Variants in ATXN2 observed in about 807,000 individuals in gnomAD.
ATXN2 encodes ataxin 2, also known as ataxin-2.
ATXN2 carries 37 observed loss-of-function variants against 138.6 expected under a neutral mutation model. That is an observed-to-expected ratio of 0.27 (90% CI 0.21 to 0.35). ATXN2 has a LOEUF of 0.35. Among genes scored for constraint, ATXN2 ranks in the 10% least tolerant of loss-of-function variants. ATXN2 has a pLI of 1.00. For synonymous variants in ATXN2, 549 were observed against 543.7 expected (o/e 1.01, Z -0.13); for missense variants, 1,216 against 1,480.3 (o/e 0.82, Z 2.93).
At chr12:111,487,049 T>C (rs558972912) in intron 15 of ATXN2, among the ~76,000 whole-genome samples, 1 of 152,268 alleles carries the variant, frequency 6.6e-6, no homozygotes, top group East Asian at 1.9e-4. Flanking sequence ...CTGAGTAATA[T>C]ACAACCGTTC....
At chr12:111,469,847 C>T in intron 20 of ATXN2, 1 of 426,450 alleles carries the variant, frequency 2.3e-6, no homozygotes, top group Admixed American at 3.9e-5. Context: ...TACCTTTCTC[C>T]ACAAAGATGC....
intron 1 of ATXN2, among the ~76,000 whole-genome samples, chr12:111,567,940 A>C (rs1473318654): frequency 6.6e-6 from 1 of 152,136 alleles, no homozygotes; most frequent in Non-Finnish European, 1.5e-5. Flanking sequence ...TAATCTAAGA[A>C]TAAAATTACC....
Position 111,579,124 on chromosome 12 carries a change from ACACT to A in ATXN2, c.251+19656_251+19659del, listed in dbSNP as rs1479767968. ...AGCAATTACTTTTAAAATTAAATAA[ACACT>A]CACAGGATTATATGTACCCTGGAAA... On this transcript the variant is annotated intron_variant, in intron 1 of 24. Coordinates refer to ENST00000673436, the MANE Select transcript of ATXN2 (RefSeq NM_001372574.1). Among the ~76,000 whole-genome samples the A allele has an allele frequency of 2.6e-5, 4 of 152,322 alleles. No individual in the cohort carries two copies. The East Asian group carries it at 7.7e-4, about 29-fold the overall frequency.
At chr12:111,458,160 T>G (rs998960116) in intron 21 of ATXN2, 4 of 150,124 alleles carry the variant, frequency 2.7e-5, no homozygotes, top group African/African-American at 7.6e-5. Flanking sequence ...TTTTTTGTTT[T>G]TTTTTGAGAT....
At chr12:111,472,273 G>T (rs968163672) in intron 18 of ATXN2, among the ~76,000 whole-genome samples, 5 of 151,732 alleles carry the variant, frequency 3.3e-5, no homozygotes, top group African/African-American at 1.2e-4. Context: ...TCTCAAAAAA[G>T]GGGAGGGTAG....
chr12:111,568,380 C>T (rs1883132819), intron 1 of ATXN2, among the ~76,000 whole-genome samples: 1 of 152,078 alleles, frequency 6.6e-6, no homozygotes, highest in Non-Finnish European at 1.5e-5. Flanking sequence ...CACCATTCTG[C>T]TCATCCATCA....
upstream of ATXN2, chr12:111,599,552 AG>A (rs1472470035): frequency 1.7e-6 from 2 of 1,179,036 alleles, no homozygotes; most frequent in Admixed American, 9.2e-5. Context: ...GTGGGAGCGG[AG>A]GTGCGGATAG....
rs543891119 is a variant in ATXN2, at chr12:111,516,913, C to A, written c.1166-550G>T. Among the ~76,000 whole-genome samples, 1 of 152,094 alleles carries A rather than the reference C, an allele frequency of 6.6e-6. No individual in the cohort carries two copies. The highest frequency in any genetic ancestry group is 6.5e-5 in the Admixed American group (1 of 15,272). On this transcript the variant is annotated intron_variant, in intron 9 of 24. Transcript: ENST00000673436. The surrounding 1 kb of genome is among the most constrained non-coding windows in gnomAD (Gnocchi z 5.0). ...CAGTTTGGAATCTTATTAAGCAAGT[C>A]CCATTTAAGTAGAAATAAAACATTA...
At chr12:111,493,686 T>G (rs1290930389) in intron 14 of ATXN2, among the ~76,000 whole-genome samples, 1 of 151,848 alleles carries the variant, frequency 6.6e-6, no homozygotes, top group Non-Finnish European at 1.5e-5. Flanking sequence ...TGGACGGCAG[T>G]GGCGCGATCT....
At chr12:111,547,324 G>C (rs772631134) in intron 5 of ATXN2, among the ~76,000 whole-genome samples, 3 of 152,186 alleles carry the variant, frequency 2.0e-5, no homozygotes, top group Non-Finnish European at 4.4e-5. Flanking sequence ...CTCCTCGGGA[G>C]GCTTAGGCAG....
In ATXN2 at chr12:111,596,766, C is replaced by G. The variant is rs369299808; in HGVS notation, c.251+2018G>C. ...TAAAGCAAGGAAAAATCTAAATTAA[C>G]CTTAAATTGTTGTAAAGCCTCAAGG... On this transcript the variant is annotated intron_variant, in intron 1 of 24. Coordinates refer to ENST00000673436, the MANE Select transcript of ATXN2 (RefSeq NM_001372574.1). 6.6e-5 allele frequency among the ~76,000 whole-genome samples: 10 copies of G among 152,242 alleles called. No individual in the cohort carries two copies. The East Asian group carries it at 1.2e-3, about 18-fold the overall frequency.
At chr12:111,573,934 T>G (rs941031005) in intron 1 of ATXN2, among the ~76,000 whole-genome samples, 2 of 151,704 alleles carry the variant, frequency 1.3e-5, no homozygotes, top group Non-Finnish European at 2.9e-5. Flanking sequence ...TGCTAGTCTT[T>G]ATTTTCTGAA....
intron 14 of ATXN2, among the ~76,000 whole-genome samples, chr12:111,504,677 G>T (rs1289789256): frequency 6.6e-6 from 1 of 151,980 alleles, no homozygotes; most frequent in East Asian, 1.9e-4. Flanking sequence ...AGTAAAAATG[G>T]TTATAAGTGT....
At chr12:111,546,346 A>C (rs987699968) in intron 5 of ATXN2, among the ~76,000 whole-genome samples, 2 of 152,222 alleles carry the variant, frequency 1.3e-5, no homozygotes, top group Non-Finnish European at 2.9e-5. Flanking sequence ...AGAGACAGTC[A>C]AATTTTCTGG....
In ATXN2 at chr12:111,598,656, C is replaced by T; in HGVS notation, c.251+128G>A. The T allele has an allele frequency of 1.1e-6, 1 of 900,024 alleles. No homozygotes were observed. The allele number at this position is 900,024 out of a possible 1,614,324, so 55.8% of individuals were successfully genotyped here. On this transcript the variant is annotated intron_variant, in intron 1 of 24. Coordinates refer to ENST00000673436, the MANE Select transcript of ATXN2 (RefSeq NM_001372574.1). This position sits in a 1 kb window ranked among gnomAD's most constrained non-coding sequence, Gnocchi z 4.5. Reference sequence around the variant, plus strand: ...TCGGGGCTCAGGCCCGAGCGAGTCTCCCCCGCGCTGCCGGCCCCCAGCCCA... The same window carrying T: ...TCGGGGCTCAGGCCCGAGCGAGTCTTCCCCGCGCTGCCGGCCCCCAGCCCA...
intron 7 of ATXN2, among the ~76,000 whole-genome samples, chr12:111,520,445 G>C (rs1016804862): frequency 2.0e-5 from 3 of 152,164 alleles, no homozygotes; most frequent in African/African-American, 2.4e-5. Flanking sequence ...GAGGTGAAGA[G>C]ATCGAGACTA....
At chr12:111,494,663 A>T (rs981609782) in intron 14 of ATXN2, among the ~76,000 whole-genome samples, 9 of 151,900 alleles carry the variant, frequency 5.9e-5, no homozygotes, top group African/African-American at 2.2e-4. Context: ...TGACCTCTTG[A>T]TCCACCCACC....
chr12:111,506,865 T>G (rs924185946), intron 14 of ATXN2, among the ~76,000 whole-genome samples: 1 of 152,162 alleles, frequency 6.6e-6, no homozygotes, highest in African/African-American at 2.4e-5. Flanking sequence ...GGGGTTTCGC[T>G]GTGTTGGCCG....
chr12:111,556,215 T>G (rs1251808474), intron 1 of ATXN2, among the ~76,000 whole-genome samples: 1 of 152,114 alleles, frequency 6.6e-6, no homozygotes, highest in African/African-American at 2.4e-5. Flanking sequence ...ATGCTAAACG[T>G]AAATTAATAA....
Sources: allele counts gnomAD v4.1 joint callset (sites outside exome capture counted in the v4.1 genomes callset), GRCh38; gene constraint gnomAD v4.1.1; non-coding constraint Gnocchi (gnomAD v3.1); transcripts MANE v1.5; gene names NCBI Gene and HGNC (gene_info 2026-07-23, HGNC 2026-07-21).